Variants in SNTG1 observed in about 807,000 individuals in gnomAD.
The protein encoded by SNTG1 is syntrophin gamma 1, also known as gamma-1-syntrophin.
Under a neutral mutation model 74.7 loss-of-function variants are expected in SNTG1, and 39 were observed. The observed-to-expected ratio is 0.52, with a 90% confidence interval of 0.40 to 0.68. The LOEUF is 0.68. Ranked by LOEUF, SNTG1 falls within the 30% of genes least tolerant of loss-of-function variation. SNTG1 has a pLI of 0.00. For synonymous variants in SNTG1, 254 were observed against 217.1 expected, an observed-to-expected ratio of 1.17 and a Z score of -1.49; for missense variants, 685 against 609.5, an observed-to-expected ratio of 1.12 and a Z score of -1.30.
chr8:49,968,973 A>C (rs1811393992), intron 1 of SNTG1, among the ~76,000 whole-genome samples: 1 of 152,186 alleles, frequency 6.6e-6, no homozygotes, highest in African/African-American at 2.4e-5. Context: ...TGCCAAGTAA[A>C]GGAGTCTGGA....
At chr8:50,300,436 A>G (rs1323305207) in intron 2 of SNTG1, among the ~76,000 whole-genome samples, 1 of 152,164 alleles carries the variant, frequency 6.6e-6, no homozygotes, top group African/African-American at 2.4e-5. Context: ...TGCCCAGCCA[A>G]TAAGTTTTCA....
chr8:50,034,172 G>T (rs1209416536), intron 1 of SNTG1, among the ~76,000 whole-genome samples: 2 of 152,158 alleles, frequency 1.3e-5, no homozygotes, highest in East Asian at 1.9e-4. Flanking sequence ...AAATGAGGGT[G>T]CTCTTCCTTC....
chr8:50,276,893 A>G (rs1197598239), intron 2 of SNTG1, among the ~76,000 whole-genome samples: 1 of 151,778 alleles, frequency 6.6e-6, no homozygotes. Context: ...GCTGGAGTGT[A>G]GTGGCATGAT....
intron 13 of SNTG1, among the ~76,000 whole-genome samples, chr8:50,612,920 A>T (rs1006352144): frequency 6.6e-6 from 1 of 152,152 alleles, no homozygotes; most frequent in African/African-American, 2.4e-5. Flanking sequence ...TTAGTTGCAG[A>T]GTTCAATTCT....
At chr8:50,528,296 G>T (rs117952310) in intron 9 of SNTG1, among the ~76,000 whole-genome samples, 1,601 of 151,996 alleles carry the variant, frequency 0.011, 16 homozygotes, top group Non-Finnish European at 0.017. Context: ...TTCTTTATCA[G>T]ATAGAGGAGC....
intron 2 of SNTG1, among the ~76,000 whole-genome samples, chr8:50,373,116 T>C (rs1563296550): frequency 1.3e-5 from 2 of 152,184 alleles, no homozygotes; most frequent in Non-Finnish European, 2.9e-5. Flanking sequence ...AGTAAAAATT[T>C]TTCCATGTGT....
At chr8:50,784,111 C>CT (rs1269108663) in intron 18 of SNTG1, among the ~76,000 whole-genome samples, 1 of 152,144 alleles carries the variant, frequency 6.6e-6, no homozygotes, top group Non-Finnish European at 1.5e-5. Flanking sequence ...AGTAGGAGAT[C>CT]CAGTTCGCCA....
intron 18 of SNTG1, among the ~76,000 whole-genome samples, chr8:50,766,702 A>C (rs1398971289): frequency 1.3e-5 from 2 of 151,928 alleles, no homozygotes; most frequent in Non-Finnish European, 2.9e-5. Context: ...AATTAATGCC[A>C]AAAATTGTTG....
chr8:50,032,675 C>T (rs934643604), intron 1 of SNTG1, among the ~76,000 whole-genome samples: 6 of 152,078 alleles, frequency 3.9e-5, no homozygotes, highest in Non-Finnish European at 8.8e-5. Context: ...TAGTTTGTTT[C>T]GTAGATACAA....
chr8:50,592,847 T>C lies in SNTG1; in HGVS notation c.849+1930T>C, dbSNP rs959607712. On this transcript the variant is annotated intron_variant, in intron 13 of 18. Coordinates refer to ENST00000642720, the MANE Select transcript of SNTG1 (RefSeq NM_018967.5). ...TAAGAAACCTGAAAAGAAGGGTTAA[T>C]AGACTTTTTTCCTTACTACTTCCCA... 7.2e-5 allele frequency among the ~76,000 whole-genome samples: 11 copies of C among 152,324 alleles called. No homozygotes were observed. In the East Asian group the frequency reaches 2.1e-3, roughly 29 times the overall value.
intron 1 of SNTG1, among the ~76,000 whole-genome samples, chr8:50,026,884 T>A (rs2385701): frequency 0.83 from 126,315 of 151,740 alleles, 52,739 homozygotes; most frequent in East Asian, 0.96. Context: ...AAAGAACAAT[T>A]AAACATGTAG....
chr8:50,409,908 A>G (rs2092925706), intron 4 of SNTG1, among the ~76,000 whole-genome samples: 1 of 152,210 alleles, frequency 6.6e-6, no homozygotes, highest in South Asian at 2.1e-4. Context: ...AATTCCAAAC[A>G]TGACAGAACT....
chr8:50,426,995 C>G (rs1394844670), intron 4 of SNTG1, among the ~76,000 whole-genome samples: 1 of 151,984 alleles, frequency 6.6e-6, no homozygotes, highest in Non-Finnish European at 1.5e-5. Flanking sequence ...GTATGTAGAT[C>G]ACATGTAAAT....
intron 15 of SNTG1, among the ~76,000 whole-genome samples, chr8:50,690,497 C>T (rs2095373056): frequency 6.6e-6 from 1 of 152,108 alleles, no homozygotes; most frequent in African/African-American, 2.4e-5. Context: ...CCCTTCCTTT[C>T]ATTATTTACC....
At chr8:50,599,430 G>A (rs2094756461) in intron 13 of SNTG1, among the ~76,000 whole-genome samples, 1 of 152,032 alleles carries the variant, frequency 6.6e-6, no homozygotes, top group Non-Finnish European at 1.5e-5. Flanking sequence ...GAATTGCATT[G>A]AGTCTGTAGA....
intron 8 of SNTG1, among the ~76,000 whole-genome samples, chr8:50,464,035 T>C (rs983486809): frequency 5.3e-5 from 8 of 152,230 alleles, no homozygotes; most frequent in African/African-American, 1.7e-4. Context: ...CAACTTCTGC[T>C]AGCTTCCAAC....
At chr8:50,677,721 TCTC>T (rs1157491598) in intron 15 of SNTG1, among the ~76,000 whole-genome samples, 1 of 151,984 alleles carries the variant, frequency 6.6e-6, no homozygotes, top group African/African-American at 2.4e-5. Flanking sequence ...CCAGATGTCA[TCTC>T]CTTCTGAAGC....
chr8:49,938,831 G>C (rs901221181), intron 1 of SNTG1, among the ~76,000 whole-genome samples: 1 of 151,254 alleles, frequency 6.6e-6, no homozygotes, highest in Non-Finnish European at 1.5e-5. Flanking sequence ...TTCAAATCTT[G>C]TTCTAGATGT....
intron 2 of SNTG1, among the ~76,000 whole-genome samples, chr8:50,262,433 C>T (rs2087240834): frequency 6.6e-6 from 1 of 152,086 alleles, no homozygotes; most frequent in African/African-American, 2.4e-5. Context: ...TGTTTTGAGA[C>T]GGAGTGTCGC....
Sources: allele counts gnomAD v4.1 joint callset (sites outside exome capture counted in the v4.1 genomes callset), GRCh38; gene constraint gnomAD v4.1.1; transcripts MANE v1.5; gene names NCBI Gene and HGNC (gene_info 2026-07-23, HGNC 2026-07-21).